The following DNER variants were observed in gnomAD, a reference collection of about 807,000 sequenced individuals.
DNER encodes the protein delta and Notch-like epidermal growth factor-related receptor.
A neutral mutation model predicts 78.2 loss-of-function variants in DNER; 33 were observed. The ratio of observed to expected loss-of-function variants is 0.42; its 90% CI spans 0.32 to 0.56. DNER has a LOEUF of 0.56. Ranked by LOEUF, DNER falls within the 20% of genes least tolerant of loss-of-function variation. The probability of loss-of-function intolerance (pLI) is 0.11; values close to 1 mark genes in which losing one functional copy is unlikely to be tolerated. For missense variants in DNER, 918 were observed against 975.3 expected (o/e 0.94, Z 0.78); for synonymous variants, 417 against 384.8 (o/e 1.08, Z -0.98).
At chr2:229,647,954 G>C (rs1698748996) in intron 1 of DNER, among the ~76,000 whole-genome samples, 1 of 152,068 alleles carries the variant, frequency 6.6e-6, no homozygotes, top group African/African-American at 2.4e-5. Flanking sequence ...TTTCTCTAAA[G>C]GTTCTAACCG....
intron 5 of DNER, among the ~76,000 whole-genome samples, chr2:229,536,081 G>T (rs555799010): frequency 6.6e-6 from 1 of 152,290 alleles, no homozygotes; most frequent in African/African-American, 2.4e-5. Flanking sequence ...ATTTGGAGTG[G>T]GTGCAGAGGA....
At chr2:229,622,089 A>C (rs1183499618) in intron 1 of DNER, among the ~76,000 whole-genome samples, 3 of 152,210 alleles carry the variant, frequency 2.0e-5, no homozygotes, top group Non-Finnish European at 4.4e-5. Flanking sequence ...CCGTCTCAAA[A>C]AAACAAACAA....
chr2:229,376,046 T>C (rs1309923918), intron 11 of DNER, among the ~76,000 whole-genome samples: 1 of 152,208 alleles, frequency 6.6e-6, no homozygotes, highest in Non-Finnish European at 1.5e-5. Context: ...GAAGGTGACT[T>C]GCTTCCCCTT....
chr2:229,512,635 G>T, intron 6 of DNER, 148 bp downstream of exon 6: 1 of 1,077,016 alleles, frequency 9.3e-7, no homozygotes, highest in Non-Finnish European at 1.3e-6. Flanking sequence ...TGGGTGATGA[G>T]TGCACCAAAA....
chr2:229,679,026 G>C (rs1699345262), intron 1 of DNER, among the ~76,000 whole-genome samples: 1 of 152,124 alleles, frequency 6.6e-6, no homozygotes, highest in African/African-American at 2.4e-5. Context: ...GCATGAGAAA[G>C]ATCCCGCTAT....
rs11687730 is a variant in DNER, at chr2:229,434,925, T to C, written c.1486+12391A>G. Among the ~76,000 whole-genome samples, 1,021 of 130,624 alleles carry C rather than the reference T, an allele frequency of 7.8e-3. 8 individuals carry two copies. The highest frequency in any genetic ancestry group is 0.024 in the South Asian group (105 of 4,370). 85.7% of individuals were successfully genotyped at this position (130,624 alleles called of 152,430 possible). A position where few individuals can be genotyped will look rare whatever the true frequency, so the allele number is the denominator to read the frequency against. Reference sequence around the variant, plus strand: ...GAGACAATTTATATATATATATATATACACACACACACACACACACACACG... The same window carrying C: ...GAGACAATTTATATATATATATATACACACACACACACACACACACACACG... On this transcript the variant is annotated intron_variant, in intron 8 of 12. Transcript: ENST00000341772.
intron 12 of DNER, among the ~76,000 whole-genome samples, chr2:229,361,082 T>C (rs184058478): frequency 1.3e-5 from 2 of 152,312 alleles, no homozygotes; most frequent in Admixed American, 1.3e-4. Context: ...ACGTCGTTTA[T>C]AGAAACACCA....
At chr2:229,698,413 G>A (rs1699692842) in intron 1 of DNER, among the ~76,000 whole-genome samples, 1 of 152,168 alleles carries the variant, frequency 6.6e-6, no homozygotes, top group South Asian at 2.1e-4. Flanking sequence ...AAAGATCTAT[G>A]TTAGGAGAAA....
At chr2:229,493,301 G>A (rs1695440918) in intron 6 of DNER, among the ~76,000 whole-genome samples, 1 of 152,186 alleles carries the variant, frequency 6.6e-6, no homozygotes, top group Admixed American at 6.5e-5. Context: ...TTTGGCAGTG[G>A]TGGTTCTGAA....
intron 7 of DNER, among the ~76,000 whole-genome samples, chr2:229,455,429 G>A (rs1694551517): frequency 6.6e-6 from 1 of 152,010 alleles, no homozygotes; most frequent in Non-Finnish European, 1.5e-5. Context: ...GTAATCTCAA[G>A]TTGCCCGTAT....
At chr2:229,549,581 G>A (rs1373514716) in intron 4 of DNER, among the ~76,000 whole-genome samples, 1 of 152,130 alleles carries the variant, frequency 6.6e-6, no homozygotes, top group Non-Finnish European at 1.5e-5. Context: ...CTACAAGCAT[G>A]AGCCACCACA....
At chr2:229,650,867 C>G (rs1347911693) in intron 1 of DNER, among the ~76,000 whole-genome samples, 1 of 152,164 alleles carries the variant, frequency 6.6e-6, no homozygotes, top group East Asian at 1.9e-4. Context: ...ATCGGGTGGG[C>G]AGCTGTGAAG....
chr2:229,666,269 G>A (rs186647032), intron 1 of DNER, among the ~76,000 whole-genome samples: 3 of 152,176 alleles, frequency 2.0e-5, no homozygotes, highest in Admixed American at 1.3e-4. Flanking sequence ...ACCATCACAC[G>A]AGAAATGGAG....
intron 1 of DNER, among the ~76,000 whole-genome samples, chr2:229,653,365 C>T (rs1483715533): frequency 2.6e-5 from 4 of 152,160 alleles, no homozygotes; most frequent in African/African-American, 9.7e-5. Flanking sequence ...AAAGCAAATT[C>T]CGGTTTTTGT....
At chr2:229,514,310 AGAT>A (rs1695928277) in intron 5 of DNER, among the ~76,000 whole-genome samples, 1 of 152,226 alleles carries the variant, frequency 6.6e-6, no homozygotes, top group South Asian at 2.1e-4. Context: ...ACACAAAACA[AGAT>A]GATAATAATA....
At chr2:229,561,079 C>T (rs913279792) in intron 4 of DNER, among the ~76,000 whole-genome samples, 6 of 152,096 alleles carry the variant, frequency 3.9e-5, no homozygotes, top group Non-Finnish European at 5.9e-5. Context: ...TTGTAAGGCA[C>T]GTTTAGATGC....
At position 229,710,987 on chromosome 2, in the gene DNER, A is replaced by G. The variant is rs542471382; in HGVS notation, c.276+3161T>C. Among the ~76,000 whole-genome samples the G allele has an allele frequency of 2.4e-3, 351 of 146,552 alleles. 1 individual carries two copies. Among genetic ancestry groups the G allele is most frequent in the Non-Finnish European group, 3.5e-3 (232 of 65,978 alleles). ...GAAAATGGCATGCATACACGCGCAC[A>G]CACACACACACACACACACACACAC... is the stretch of plus-strand genomic sequence containing the variant. On this transcript the variant is annotated intron_variant, in intron 1 of 12. Transcript: ENST00000341772.
intron 1 of DNER, among the ~76,000 whole-genome samples, chr2:229,604,635 G>T (rs115112068): frequency 6.6e-6 from 1 of 152,156 alleles, no homozygotes; most frequent in Non-Finnish European, 1.5e-5. Flanking sequence ...GCTTTGATGT[G>T]TGTTTTTCTC....
chr2:229,659,928 A>G (rs955922645), intron 1 of DNER, among the ~76,000 whole-genome samples: 1 of 152,168 alleles, frequency 6.6e-6, no homozygotes, highest in Admixed American at 6.5e-5. Flanking sequence ...ATATTATGTT[A>G]ATAGAATATA....
Sources: gnomAD v4.1 joint callset for allele counts (sites outside exome capture counted in the v4.1 genomes callset) on GRCh38, gnomAD v4.1.1 for gene constraint, MANE v1.5 for transcripts, NCBI Gene and HGNC (gene_info 2026-07-23, HGNC 2026-07-21) for gene names.